GPC5: variants seen among roughly 807,000 people sequenced by gnomAD.
The protein encoded by GPC5 is glypican-5.
Under a neutral mutation model 53.9 loss-of-function variants are expected in GPC5, and 47 were observed. The ratio of observed to expected loss-of-function variants is 0.87; its 90% CI spans 0.69 to 1.11. The LOEUF is 1.11. Among genes scored for constraint, GPC5 ranks in the 50% most tolerant of loss-of-function variants. GPC5 has a pLI of 0.00. For missense variants in GPC5, 748 were observed against 713.1 expected, an observed-to-expected ratio of 1.05 and a Z score of -0.56; for synonymous variants, 286 against 263.3, an observed-to-expected ratio of 1.09 and a Z score of -0.84.
chr13:92,356,861 C>T (rs2043526645), intron 7 of GPC5, among the ~76,000 whole-genome samples: 1 of 152,170 alleles, frequency 6.6e-6, no homozygotes, highest in African/African-American at 2.4e-5. Flanking sequence ...TCTTCCTCCT[C>T]CCCACTCCAC....
intron 7 of GPC5, among the ~76,000 whole-genome samples, chr13:92,665,422 T>A (rs913339340): frequency 3.3e-5 from 5 of 152,292 alleles, no homozygotes; most frequent in Admixed American, 1.3e-4. Context: ...AGAATTCAGA[T>A]CTCTTGACCC....
chr13:91,597,449 A>G (rs927643226), intron 2 of GPC5, among the ~76,000 whole-genome samples: 3 of 152,072 alleles, frequency 2.0e-5, no homozygotes, highest in African/African-American at 7.2e-5. Flanking sequence ...GTTAATTTTG[A>G]GCCTGCCAAT....
intron 7 of GPC5, among the ~76,000 whole-genome samples, chr13:92,704,711 A>AAGTC (rs1887881922): frequency 6.6e-6 from 1 of 151,868 alleles, no homozygotes; most frequent in South Asian, 2.1e-4. Flanking sequence ...TAATACTAAG[A>AAGTC]AGTCAATTTT....
chr13:91,421,973 G>A (rs1878668750), intron 1 of GPC5, among the ~76,000 whole-genome samples: 1 of 152,166 alleles, frequency 6.6e-6, no homozygotes, highest in Admixed American at 6.5e-5. Context: ...CATCACCCTG[G>A]AGCCAACAGA....
intron 2 of GPC5, among the ~76,000 whole-genome samples, chr13:91,636,123 A>G (rs2034278605): frequency 6.6e-6 from 1 of 152,112 alleles, no homozygotes; most frequent in Admixed American, 6.6e-5. Context: ...TGATACATCA[A>G]AAATCATTTT....
chr13:92,640,973 G>T (rs1312563662), intron 7 of GPC5, among the ~76,000 whole-genome samples: 3 of 151,888 alleles, frequency 2.0e-5, no homozygotes, highest in Admixed American at 6.6e-5. Context: ...GTAGTAATGG[G>T]GTGGCGGGGG....
At chr13:91,940,782 T>C (rs2039919201) in intron 6 of GPC5, among the ~76,000 whole-genome samples, 1 of 152,068 alleles carries the variant, frequency 6.6e-6, no homozygotes. Flanking sequence ...TATTGGCCTT[T>C]TGTATGTTTT....
intron 7 of GPC5, among the ~76,000 whole-genome samples, chr13:92,248,770 G>A (rs190811073): frequency 3.3e-5 from 5 of 152,096 alleles, no homozygotes; most frequent in African/African-American, 7.2e-5. Context: ...ATGGGGATTC[G>A]ATCAGGAAAA....
intron 7 of GPC5, among the ~76,000 whole-genome samples, chr13:92,835,282 T>C (rs1306777030): frequency 6.6e-6 from 1 of 152,034 alleles, no homozygotes; most frequent in East Asian, 1.9e-4. Context: ...ATATTCTAAT[T>C]TTGCTGTTTC....
intron 2 of GPC5, among the ~76,000 whole-genome samples, chr13:91,533,340 T>C (rs1886438211): frequency 1.3e-5 from 2 of 152,236 alleles, no homozygotes; most frequent in South Asian, 4.1e-4. Flanking sequence ...AGAAAATTAG[T>C]TCAAAGACTG....
At chr13:91,444,878 T>C (rs1236463948) in intron 1 of GPC5, among the ~76,000 whole-genome samples, 9 of 152,170 alleles carry the variant, frequency 5.9e-5, no homozygotes, top group Admixed American at 5.9e-4. Context: ...GCTTTACTTG[T>C]AGGGGATATG....
At chr13:92,663,848 CACACACACTATATATATATATATATA>C (rs1262070245) in intron 7 of GPC5, among the ~76,000 whole-genome samples, 138 of 117,972 alleles carry the variant, frequency 1.2e-3, no homozygotes, top group Middle Eastern at 4.6e-3. Flanking sequence ...TATATATACA[CACACACACTATATATATATATATATA>C]TATATATATA....
intron 7 of GPC5, among the ~76,000 whole-genome samples, chr13:92,799,696 G>A (rs1455931229): frequency 1.3e-5 from 2 of 151,710 alleles, no homozygotes; most frequent in East Asian, 3.9e-4. Context: ...GCCTGGGTTT[G>A]ACTGTTTGTG....
chr13:91,835,438 T>C (rs1436680878), intron 5 of GPC5, among the ~76,000 whole-genome samples: 3 of 152,172 alleles, frequency 2.0e-5, no homozygotes, highest in Non-Finnish European at 4.4e-5. Context: ...CATGCACACA[T>C]ATGTTTATTG....
At chr13:92,276,232 C>G (rs1200115060) in intron 7 of GPC5, among the ~76,000 whole-genome samples, 3 of 152,126 alleles carry the variant, frequency 2.0e-5, no homozygotes, top group Non-Finnish European at 4.4e-5. Context: ...ACACAAATCA[C>G]TGGCCCTGGG....
intron 6 of GPC5, among the ~76,000 whole-genome samples, chr13:92,013,957 T>C (rs1345901097): frequency 6.6e-6 from 1 of 151,754 alleles, no homozygotes; most frequent in Non-Finnish European, 1.5e-5. Flanking sequence ...TCAATTTAAG[T>C]AAGAGATCAT....
chr13:92,355,620 T>C (rs2043515031), intron 7 of GPC5, among the ~76,000 whole-genome samples: 1 of 152,176 alleles, frequency 6.6e-6, no homozygotes, highest in South Asian at 2.1e-4. Context: ...CTAAAATAAT[T>C]TATATTCCTT....
At chr13:91,922,337 A>G (rs2039723641) in intron 6 of GPC5, among the ~76,000 whole-genome samples, 1 of 152,154 alleles carries the variant, frequency 6.6e-6, no homozygotes, top group Admixed American at 6.5e-5. Context: ...ACTTTGCATC[A>G]TGATTTCTAT....
rs144712859 is a variant in GPC5 at position 91,867,244 on chromosome 13, T to C, written c.1281-40693T>C. 1.5e-3 allele frequency among the ~76,000 whole-genome samples: 228 copies of C among 152,158 alleles called. 1 individual carries two copies. The highest frequency in any genetic ancestry group is 3.0e-3 in the Non-Finnish European group (203 of 67,948). On this transcript the variant is annotated intron_variant, in intron 5 of 7. Transcript: ENST00000377067. ...AAAAGAAAAAAGTATCATCATTGAG[T>C]CTCTACTGCTGAGGTAACTGTTGTC...
Sources: allele counts gnomAD v4.1 joint callset (sites outside exome capture counted in the v4.1 genomes callset), GRCh38; gene constraint gnomAD v4.1.1; transcripts MANE v1.5; gene names NCBI Gene and HGNC (gene_info 2026-07-23, HGNC 2026-07-21).